Variants in NCKAP5 observed in about 807,000 individuals in gnomAD.
The protein encoded by NCKAP5 is NCK associated protein 5.
NCKAP5 carries 92 observed loss-of-function variants against 167.0 expected under a neutral mutation model. The ratio of observed to expected loss-of-function variants is 0.55; its 90% CI spans 0.47 to 0.66. The LOEUF (loss-of-function observed/expected upper bound fraction) is 0.66, where lower values mean the gene tolerates loss of function less well. Ranked by LOEUF, NCKAP5 falls within the 30% of genes least tolerant of loss-of-function variation. NCKAP5 has a pLI of 0.00. For missense variants in NCKAP5, 2,378 were observed against 2,315.0 expected (o/e 1.03, Z -0.56); for synonymous variants, 891 against 877.4 (o/e 1.02, Z -0.27).
chr2:132,743,655 T>C (rs1005509472), intron 16 of NCKAP5, among the ~76,000 whole-genome samples: 1 of 151,554 alleles, frequency 6.6e-6, no homozygotes, highest in Non-Finnish European at 1.5e-5. Context: ...AAATAAATAA[T>C]TATATGGTAG....
At chr2:133,524,691 G>A (rs1575103807) in intron 2 of NCKAP5, among the ~76,000 whole-genome samples, 1 of 152,242 alleles carries the variant, frequency 6.6e-6, no homozygotes, top group East Asian at 1.9e-4. Flanking sequence ...TGAAACTCCA[G>A]TCCTCTTTGT....
chr2:133,589,481 G>T, the NCKAP5 span, among the ~76,000 whole-genome samples: 1 of 152,104 alleles, frequency 6.6e-6, no homozygotes. Context: ...ACGTCCAGGG[G>T]GATTCTGGAT....
At chr2:133,449,524 C>A (rs969402271) in intron 3 of NCKAP5, among the ~76,000 whole-genome samples, 9 of 152,156 alleles carry the variant, frequency 5.9e-5, no homozygotes, top group Non-Finnish European at 1.3e-4. Context: ...CTCTGAAATT[C>A]GAAATAGTTG....
chr2:132,979,537 C>T (rs1489520922), intron 7 of NCKAP5, among the ~76,000 whole-genome samples: 3 of 152,100 alleles, frequency 2.0e-5, no homozygotes, highest in East Asian at 1.9e-4. Context: ...CTCAGAGCCC[C>T]GAGAGGTTAA....
At chr2:133,635,368 G>GA in the NCKAP5 span, among the ~76,000 whole-genome samples, 3 of 152,098 alleles carry the variant, frequency 2.0e-5, no homozygotes, top group African/African-American at 7.2e-5. Flanking sequence ...TATTCTACTT[G>GA]AAAATGATGA....
chr2:132,917,843 T>C (rs1054602887), intron 8 of NCKAP5, among the ~76,000 whole-genome samples: 3 of 152,114 alleles, frequency 2.0e-5, no homozygotes, highest in African/African-American at 7.2e-5. Flanking sequence ...TAAATCCCAC[T>C]TATACCATTT....
At chr2:133,529,136 T>C (rs900000484) in intron 2 of NCKAP5, among the ~76,000 whole-genome samples, 1 of 152,018 alleles carries the variant, frequency 6.6e-6, no homozygotes, top group African/African-American at 2.4e-5. Context: ...ATGAGATAAT[T>C]TTTTTTTATT....
chr2:133,245,789 C>T (rs116176827), intron 4 of NCKAP5, among the ~76,000 whole-genome samples: 2,173 of 151,394 alleles, frequency 0.014, 27 homozygotes, highest in Middle Eastern at 0.027. Flanking sequence ...ATGCTTGTGG[C>T]CAATATTTTA....
chr2:133,267,719 A>G (rs2089310185), intron 4 of NCKAP5, among the ~76,000 whole-genome samples: 1 of 152,200 alleles, frequency 6.6e-6, no homozygotes, highest in South Asian at 2.1e-4. Flanking sequence ...GAAAATAATG[A>G]CTTCAAAAAT....
intron 3 of NCKAP5, among the ~76,000 whole-genome samples, chr2:133,486,918 C>A (rs1278730271): frequency 1.3e-5 from 2 of 152,122 alleles, no homozygotes; most frequent in Admixed American, 6.6e-5. Context: ...TTGGCTGGGA[C>A]CTTCTTTGAG....
chr2:132,714,971 C>T (rs540241251), intron 19 of NCKAP5: 125 of 438,236 alleles, frequency 2.9e-4, no homozygotes, highest in Admixed American at 7.8e-4. Flanking sequence ...CTGTGTAATT[C>T]GCTGAGTAAT....
chr2:133,617,151 C>T, the NCKAP5 span, among the ~76,000 whole-genome samples: 7 of 152,124 alleles, frequency 4.6e-5, no homozygotes, highest in African/African-American at 1.7e-4. Context: ...TGGGACATAT[C>T]TCAAAATAAT....
chr2:132,829,655 C>T (rs1182539680), intron 11 of NCKAP5, among the ~76,000 whole-genome samples: 3 of 151,972 alleles, frequency 2.0e-5, no homozygotes, highest in Admixed American at 1.3e-4. Flanking sequence ...CAAGCTGTAG[C>T]GTGCATCAGG....
intron 3 of NCKAP5, among the ~76,000 whole-genome samples, chr2:133,491,357 G>T (rs902936318): frequency 5.9e-5 from 9 of 152,190 alleles, no homozygotes; most frequent in Admixed American, 1.3e-4. Context: ...CTTCTAATAA[G>T]GTGGTCAGGG....
intron 6 of NCKAP5, among the ~76,000 whole-genome samples, chr2:133,049,323 A>C (rs2079519489): frequency 6.6e-6 from 1 of 152,100 alleles, no homozygotes; most frequent in Non-Finnish European, 1.5e-5. Flanking sequence ...AGGCGGGTGG[A>C]TCCCGAGGTC....
At chr2:132,768,815 A>G (rs1213012676) in intron 16 of NCKAP5, among the ~76,000 whole-genome samples, 4 of 149,150 alleles carry the variant, frequency 2.7e-5, no homozygotes, top group Non-Finnish European at 5.9e-5. Flanking sequence ...AATTTTTTGT[A>G]TTTTTAGTAG....
chr2:132,947,064 T>C (rs1388491988), intron 8 of NCKAP5, among the ~76,000 whole-genome samples: 1 of 152,194 alleles, frequency 6.6e-6, no homozygotes, highest in Non-Finnish European at 1.5e-5. Flanking sequence ...ATTTAGAGGA[T>C]CAGGGTTGTT....
chr2:132,850,431 C>T (rs13389282), intron 11 of NCKAP5, among the ~76,000 whole-genome samples: 46,839 of 151,714 alleles, frequency 0.31, 7,417 homozygotes, highest in African/African-American at 0.4. Flanking sequence ...AGGCAGGAAG[C>T]TTTGGACCGG....
chr2:133,038,140 T>C (rs2079096768), intron 6 of NCKAP5, among the ~76,000 whole-genome samples: 1 of 152,112 alleles, frequency 6.6e-6, no homozygotes, highest in Non-Finnish European at 1.5e-5. Flanking sequence ...AGAAAGGAAA[T>C]CAGTATATTG....
Sources: allele counts gnomAD v4.1 joint callset (sites outside exome capture counted in the v4.1 genomes callset), GRCh38; gene constraint gnomAD v4.1.1; transcripts MANE v1.5; gene names NCBI Gene and HGNC (gene_info 2026-07-23, HGNC 2026-07-21).